ZBTB46: variants seen among roughly 807,000 people sequenced by gnomAD.
ZBTB46 encodes the protein zinc finger and BTB domain-containing protein 46.
ZBTB46 carries 8 observed loss-of-function variants against 44.1 expected under a neutral mutation model. The observed-to-expected ratio is 0.18, with a 90% confidence interval of 0.11 to 0.33. The LOEUF (loss-of-function observed/expected upper bound fraction) is 0.33, where lower values mean the gene tolerates loss of function less well. Among genes scored for constraint, ZBTB46 ranks in the 10% least tolerant of loss-of-function variants. The probability of loss-of-function intolerance (pLI) is 1.00; values close to 1 mark genes in which losing one functional copy is unlikely to be tolerated. For synonymous variants in ZBTB46, 409 were observed against 382.3 expected (o/e 1.07, Z -0.81); for missense variants, 651 against 847.7 (o/e 0.77, Z 2.88).
At chr20:63,832,067 C>T (rs1034864550), upstream of ZBTB46, among the ~76,000 whole-genome samples, 12 of 151,704 alleles carry the variant, frequency 7.9e-5, no homozygotes, top group African/African-American at 2.9e-4. The surrounding 1 kb of genome is among the most constrained non-coding windows in gnomAD (Gnocchi z 5.0). Context: ...CGCGTGGGTC[C>T]CTCCCGTCGT....
At chr20:63,775,610 C>G in intron 3 of ZBTB46, 68 bp downstream of exon 3, 1 of 1,504,172 alleles carries the variant, frequency 6.6e-7, no homozygotes. Flanking sequence ...TCATCTTGGC[C>G]CGGGACCTGC....
intron 1 of ZBTB46, among the ~76,000 whole-genome samples, chr20:63,809,067 C>T (rs988884718): frequency 2.0e-5 from 3 of 151,768 alleles, no homozygotes; most frequent in African/African-American, 7.3e-5. Context: ...GCTGGCGGCT[C>T]GGTGCTCCGG....
chr20:63,802,840 G>T (rs1434779799), intron 1 of ZBTB46, among the ~76,000 whole-genome samples: 12 of 151,626 alleles, frequency 7.9e-5, no homozygotes, highest in Non-Finnish European at 1.5e-4. Flanking sequence ...AACCGCCGCG[G>T]CCGACGACCG....
intron 1 of ZBTB46, among the ~76,000 whole-genome samples, chr20:63,812,242 G>A (rs1305732496): frequency 6.6e-6 from 1 of 152,240 alleles, no homozygotes; most frequent in East Asian, 1.9e-4. Flanking sequence ...AGGCAAGGAG[G>A]CTCAGGCCTG....
At chr20:63,748,975 C>T (rs932825) in intron 4 of ZBTB46, among the ~76,000 whole-genome samples, 54,645 of 152,228 alleles carry the variant, frequency 0.36, 9,981 homozygotes, top group Admixed American at 0.4. Context: ...CGGGCCCTTA[C>T]GTACTTCCTG....
intron 3 of ZBTB46, among the ~76,000 whole-genome samples, chr20:63,772,722 A>AACACACACAC (rs67126549): frequency 1.5e-3 from 31 of 20,254 alleles, no homozygotes; most frequent in Non-Finnish European, 2.5e-3. Flanking sequence ...CTGTCTCAAA[A>AACACACACAC]ACACACACAC....
chr20:63,759,504 C>T (rs1467956911), intron 3 of ZBTB46, among the ~76,000 whole-genome samples: 3 of 152,160 alleles, frequency 2.0e-5, no homozygotes, highest in South Asian at 2.1e-4. Context: ...AGATCACAGG[C>T]ATGAGCCACA....
chr20:63,819,705 G>A (rs973777808), intron 1 of ZBTB46, among the ~76,000 whole-genome samples: 6 of 152,168 alleles, frequency 3.9e-5, no homozygotes, highest in Admixed American at 2.0e-4. Context: ...GTGAGCAGCC[G>A]TGAAAATGGC....
chr20:63,825,446 C>T (rs888296514), intron 1 of ZBTB46, among the ~76,000 whole-genome samples: 4 of 140,310 alleles, frequency 2.9e-5, no homozygotes, highest in Non-Finnish European at 4.6e-5. Context: ...ATCTCACTAC[C>T]ATCAAACCCC....
intron 2 of ZBTB46, among the ~76,000 whole-genome samples, chr20:63,782,086 C>CAAAAAAAAAAAAAAAA (rs66508825): frequency 4.3e-5 from 2 of 46,882 alleles, no homozygotes; most frequent in East Asian, 6.2e-4. Context: ...GACTCCGTCT[C>CAAAAAAAAAAAAAAAA]AAAAAAAAAA....
chr20:63,802,379 G>A (rs996042071), intron 1 of ZBTB46, among the ~76,000 whole-genome samples: 7 of 152,016 alleles, frequency 4.6e-5, no homozygotes, highest in Admixed American at 1.3e-4. Flanking sequence ...CTGAGATTGC[G>A]CCACTGCACT....
At chr20:63,777,888 C>A (rs2092438535) in intron 2 of ZBTB46, among the ~76,000 whole-genome samples, 1 of 152,168 alleles carries the variant, frequency 6.6e-6, no homozygotes, top group African/African-American at 2.4e-5. Context: ...AAGCCAGACA[C>A]AGAACCACGC....
At position 63,752,795 on chromosome 20, in the gene ZBTB46, T is replaced by C; in HGVS notation, c.1289A>G (p.Gln430Arg). 1.2e-6 allele frequency: 2 copies of C among 1,613,106 alleles called. No individual in the cohort carries two copies. Among genetic ancestry groups the C allele is most frequent in the Non-Finnish European group, 1.7e-6 (2 of 1,179,516 alleles). ...GCGCATGTGTCGCTTGAGGATGCAC[T>C]GGTGCATGGCCGAGAAGCTGCAGTA... ...CPYCSFSAMH[Q>R]CILKRHMRSH... The change falls in exon 4 of 5, where the codon CAG (glutamine) becomes CGG (arginine). Residue 430 changes from glutamine to arginine, a missense_variant. Gln to Arg is a conservative substitution (Grantham distance 43). Coordinates refer to ENST00000245663, the MANE Select transcript of ZBTB46 (RefSeq NM_001369741.1). The surrounding 1 kb of genome is among the most constrained non-coding windows in gnomAD (Gnocchi z 5.6).
chr20:63,802,061 C>T (rs936424447), intron 1 of ZBTB46, among the ~76,000 whole-genome samples: 3 of 152,300 alleles, frequency 2.0e-5, no homozygotes, highest in African/African-American at 7.2e-5. Flanking sequence ...TGTTGAAGCC[C>T]TAACCCCTCA....
chr20:63,761,650 C>T (rs578017755), intron 3 of ZBTB46, among the ~76,000 whole-genome samples: 146 of 151,992 alleles, frequency 9.6e-4, no homozygotes, highest in Middle Eastern at 3.4e-3. Context: ...GGCGTGGTGG[C>T]CGGTGCCTGT....
chr20:63,786,700 C>G (rs546494167), intron 2 of ZBTB46, among the ~76,000 whole-genome samples: 1 of 152,056 alleles, frequency 6.6e-6, no homozygotes, highest in Non-Finnish European at 1.5e-5. Flanking sequence ...TTAGTAGAGA[C>G]GGGGTTTCAC....
chr20:63,751,373 G>C (rs1385332584), intron 4 of ZBTB46, among the ~76,000 whole-genome samples: 1 of 152,158 alleles, frequency 6.6e-6, no homozygotes, highest in Non-Finnish European at 1.5e-5. Context: ...GAAGGCCAGA[G>C]CCCAGCACTA....
intron 3 of ZBTB46, among the ~76,000 whole-genome samples, chr20:63,754,006 GCA>G (rs1221234782): frequency 6.6e-6 from 1 of 152,160 alleles, no homozygotes; most frequent in Admixed American, 6.5e-5. Flanking sequence ...CAGTGGACAG[GCA>G]CACCCCCATG....
chr20:63,830,331 T>C (rs1169498886), intron 1 of ZBTB46, among the ~76,000 whole-genome samples: 2 of 152,008 alleles, frequency 1.3e-5, no homozygotes, highest in Non-Finnish European at 2.9e-5. Flanking sequence ...GAAACTGACA[T>C]GTCTATTTAC....
Sources: gnomAD v4.1 joint callset for allele counts (sites outside exome capture counted in the v4.1 genomes callset) on GRCh38, gnomAD v4.1.1 for gene constraint, Gnocchi (gnomAD v3.1) non-coding constraint, MANE v1.5 for transcripts, NCBI Gene and HGNC (gene_info 2026-07-23, HGNC 2026-07-21) for gene names.